Variants in DNAH10 observed in about 807,000 individuals in gnomAD.
The protein encoded by DNAH10 is axonemal beta dynein heavy chain 10.
DNAH10 carries 348 observed loss-of-function variants against 506.6 expected under a neutral mutation model. That is an observed-to-expected ratio of 0.69 (90% CI 0.63 to 0.75). The LOEUF (loss-of-function observed/expected upper bound fraction) is 0.75, where lower values mean the gene tolerates loss of function less well. DNAH10 is among the 30% of genes least tolerant of loss of function. DNAH10 has a pLI of 0.00. For synonymous variants in DNAH10, 2,059 were observed against 2,198.6 expected, an observed-to-expected ratio of 0.94 and a Z score of 1.78; for missense variants, 5,179 against 5,787.1, an observed-to-expected ratio of 0.89 and a Z score of 3.41.
chr12:123,932,009 T>C lies in DNAH10; in HGVS notation c.13197T>C (p.His4399=), dbSNP rs967252904. ...TGGCCAGGTCTCTTTTTATCGGGCA[T>C]ATCCCTAATATCTGGAGAAGGCTTG... is the stretch of plus-strand genomic sequence containing the variant. ...DDVARSLFIG[H]IPNIWRRLAP... The change falls in exon 76 of 79, where the codon CAT becomes CAC. Residue 4399 remains histidine (H), a synonymous_variant. Transcript: ENST00000673944. 6 of 1,613,932 alleles carry C rather than the reference T, an allele frequency of 3.7e-6. No homozygotes were observed. The highest frequency in any genetic ancestry group is 4.2e-6 in the Non-Finnish European group (5 of 1,179,904).
intron 76 of DNAH10, among the ~76,000 whole-genome samples, chr12:123,932,915 A>G (rs1368704863): frequency 1.3e-5 from 2 of 152,226 alleles, no homozygotes; most frequent in South Asian, 2.1e-4. Flanking sequence ...AATCAAAGAA[A>G]TTAGCCCTTG....
chr12:123,898,891 G>T (rs1953386301), intron 56 of DNAH10, 77 bp downstream of exon 56: 1 of 1,482,772 alleles, frequency 6.7e-7, no homozygotes, highest in Non-Finnish European at 9.0e-7. Context: ...CGGGGCCAGG[G>T]CAGCCCATCC....
chr12:123,910,500 TG>T, intron 58 of DNAH10, 35 bp from the exon 59 acceptor site: 2 of 1,602,026 alleles, frequency 1.2e-6, no homozygotes, highest in Non-Finnish European at 1.7e-6. Flanking sequence ...AGATGAAGCT[TG>T]CCACTCATAA....
At chr12:123,794,481 TAGAG>T (rs1244883580) in intron 12 of DNAH10, among the ~76,000 whole-genome samples, 5 of 152,188 alleles carry the variant, frequency 3.3e-5, no homozygotes, top group African/African-American at 1.2e-4. Flanking sequence ...GGCACAGAGA[TAGAG>T]AGATGAACAA....
At chr12:123,924,607 G>A (rs1257398795) in intron 67 of DNAH10, among the ~76,000 whole-genome samples, 175 bp downstream of exon 67, 1 of 152,076 alleles carries the variant, frequency 6.6e-6, no homozygotes, top group Non-Finnish European at 1.5e-5. Flanking sequence ...TCAGCTAGTT[G>A]TATGGGAGAT....
chr12:123,798,441 C>T (rs989529250), intron 13 of DNAH10, among the ~76,000 whole-genome samples: 4 of 152,126 alleles, frequency 2.6e-5, no homozygotes, highest in African/African-American at 7.2e-5. Context: ...GCAGATCTCC[C>T]AAGAACTCAC....
chr12:123,914,941 A>AC lies in DNAH10; in HGVS notation c.10669dup (p.Gln3557ProfsTer23). ...GCCAGCCGCTTCCCTCTGTGTATCGACCCCCAGCAGCAGGCCCTCAACTGG... is the reference window on the plus strand; with the variant it reads ...GCCAGCCGCTTCCCTCTGTGTATCGACCCCCCAGCAGCAGGCCCTCAACTGG... On this transcript the variant is annotated frameshift_variant, in exon 62 of 79. Transcript: ENST00000673944. LOFTEE classifies it high-confidence loss of function. 6.2e-7 allele frequency: 1 copy of AC among 1,612,038 alleles called. No homozygotes were observed. Among genetic ancestry groups the AC allele is most frequent in the Non-Finnish European group, 8.5e-7 (1 of 1,179,188 alleles).
At chr12:123,935,290 GCA>G in intron 78 of DNAH10, 43 bp from the exon 79 acceptor site, 2 of 1,587,004 alleles carry the variant, frequency 1.3e-6, no homozygotes. Context: ...TTATCCCTCT[GCA>G]CCCTCTCTCC....
chr12:123,877,874 G>A lies in DNAH10; in HGVS notation c.8338G>A (p.Val2780Ile). The A allele has an allele frequency of 6.2e-7, 1 of 1,613,992 alleles. No individual in the cohort carries two copies. The highest frequency in any genetic ancestry group is 2.2e-5 in the East Asian group (1 of 44,888). ...CTTCAACCTTCGAGATCTCTCACGGGTTTTTAATGGTCTTGTCCTCACTAA... is the reference window on the plus strand; with the variant it reads ...CTTCAACCTTCGAGATCTCTCACGGATTTTTAATGGTCTTGTCCTCACTAA... ...YIFNLRDLSR[V>I]FNGLVLTNPE... Residue 2780 changes from valine to isoleucine, a missense_variant, in exon 48 of 79, where the codon GTT becomes ATT. By Grantham distance (29) the Val-to-Ile change is conservative. Around this residue, in one of 3 missense-constraint regions of DNAH10, gnomAD observed 4,844 missense variants for 5,430.5 expected, o/e 0.89. Coordinates refer to ENST00000673944, the MANE Select transcript of DNAH10 (RefSeq NM_001372106.1).
rs916985091 is a variant in DNAH10 at position 123,908,314 on chromosome 12, C to A, written c.9816-947C>A. 12 of 455,912 alleles carry A rather than the reference C, an allele frequency of 2.6e-5. No homozygotes were observed. In the Admixed American group the frequency reaches 2.8e-4, roughly 11 times the overall value. The allele number at this position is 455,912 out of a possible 1,614,324, so 28.2% of individuals were successfully genotyped here. Reference sequence around the variant, plus strand: ...TCTCCCCCTCTGTCCCTCCATCCCCCTCTTTCTTCTCTGGCTCACCCCAGC... The same window carrying A: ...TCTCCCCCTCTGTCCCTCCATCCCCATCTTTCTTCTCTGGCTCACCCCAGC... On this transcript the variant is annotated intron_variant, in intron 57 of 78. Coordinates refer to ENST00000673944, the MANE Select transcript of DNAH10 (RefSeq NM_001372106.1).
chr12:123,851,314 T>G (rs4601866), intron 35 of DNAH10, among the ~76,000 whole-genome samples: 1 of 140,220 alleles, frequency 7.1e-6, no homozygotes, highest in African/African-American at 2.9e-5. Flanking sequence ...GGACCTAGGA[T>G]GTGTTAGCTC....
At chr12:123,865,748 C>G (rs1016075416) in intron 40 of DNAH10, among the ~76,000 whole-genome samples, 4 of 152,054 alleles carry the variant, frequency 2.6e-5, no homozygotes, top group Admixed American at 2.6e-4. Flanking sequence ...AATAGAAAAA[C>G]CAAAAAGATG....
chr12:123,841,573 G>A, intron 30 of DNAH10, 28 bp downstream of exon 30: 1 of 1,593,160 alleles, frequency 6.3e-7, no homozygotes, highest in African/African-American at 1.3e-5. Context: ...GACATGCATT[G>A]CTCTATCCAA....
chr12:123,800,200 A>C lies in DNAH10; in HGVS notation c.2290-16A>C, dbSNP rs1404871364. On this transcript the variant is annotated splice_polypyrimidine_tract_variant and intron_variant, in intron 14 of 78. Transcript: ENST00000673944. ...TGGACTGCCCTGGCCGCGCTGATGG[A>C]ATGTCTCTTCCACAGTCTTCCATCG... 1.2e-6 allele frequency: 2 copies of C among 1,612,100 alleles called. No individual in the cohort carries two copies.
At chr12:123,783,447 C>T (rs1594010625) in intron 7 of DNAH10, among the ~76,000 whole-genome samples, 183 bp downstream of exon 7, 1 of 152,292 alleles carries the variant, frequency 6.6e-6, no homozygotes, top group Middle Eastern at 3.4e-3. Context: ...TAATGTGCTA[C>T]CAGGTTACTG....
In DNAH10 at chr12:123,926,309, C is replaced by T; in HGVS notation, c.11922-328C>T. On this transcript the variant is annotated intron_variant, in intron 68 of 78. Transcript: ENST00000673944. The surrounding 1 kb of genome is among the most constrained non-coding windows in gnomAD (Gnocchi z 4.1). The stretch of plus-strand genomic sequence containing the variant: ...CAAAACTCAAAACTCAAGATGTGGA[C>T]CATTCAGGACACGCCTGTGGAACCT... 1 of 303,390 alleles carries T rather than the reference C, an allele frequency of 3.3e-6. No individual in the cohort carries two copies. Among genetic ancestry groups the T allele is most frequent in the Non-Finnish European group, 6.0e-6 (1 of 167,264 alleles). 18.8% of individuals were successfully genotyped at this position (303,390 alleles called of 1,614,324 possible). A position where few individuals can be genotyped will look rare whatever the true frequency, so the allele number is the denominator to read the frequency against.
intron 29 of DNAH10, among the ~76,000 whole-genome samples, chr12:123,840,013 G>A (rs1031412806): frequency 6.6e-6 from 1 of 152,086 alleles, no homozygotes; most frequent in Non-Finnish European, 1.5e-5. Flanking sequence ...GCCTGGGCAG[G>A]GGCTCTGAGC....
chr12:123,855,577 TGAGCC>T (rs1284665573), intron 36 of DNAH10, among the ~76,000 whole-genome samples: 2 of 146,896 alleles, frequency 1.4e-5, no homozygotes, highest in Non-Finnish European at 3.0e-5. Flanking sequence ...GAGGCTGCAA[TGAGCC>T]GAGATGGCAC....
chr12:123,848,072 T>C lies in DNAH10; in HGVS notation c.5926T>C (p.Cys1976Arg). 1 of 1,613,762 alleles carries C rather than the reference T, an allele frequency of 6.2e-7. No individual in the cohort carries two copies. Among genetic ancestry groups the C allele is most frequent in the Non-Finnish European group, 8.5e-7 (1 of 1,179,744 alleles). ...GGGCTTGCTCTGTGTTGTCACCAAC[T>C]GTGGCGAAGGCATGGATTACAGGGT... The part of the protein sequence containing the change: ...ALGLLCVVTN[C>R]GEGMDYRAVG... The change falls in exon 33 of 79, where the codon TGT becomes CGT. Residue 1976 changes from cysteine (C) to arginine (R), a missense_variant. This residue lies in a region of DNAH10 where 4,844 missense variants were observed against 5,430.5 expected (regional missense o/e 0.89). Coordinates refer to ENST00000673944, the MANE Select transcript of DNAH10 (RefSeq NM_001372106.1).
Sources: allele counts gnomAD v4.1 joint callset (sites outside exome capture counted in the v4.1 genomes callset), GRCh38; gene constraint gnomAD v4.1.1; regional missense constraint gnomAD v4.1.1; non-coding constraint Gnocchi (gnomAD v3.1); transcripts MANE v1.5; gene names NCBI Gene and HGNC (gene_info 2026-07-23, HGNC 2026-07-21).